Variants in GRK5 observed in about 807,000 individuals in gnomAD.
The protein encoded by GRK5 is g protein-coupled receptor kinase GRK5.
Under a neutral mutation model 78.4 loss-of-function variants are expected in GRK5, and 40 were observed. The observed-to-expected ratio is 0.51, with a 90% CI of 0.40 to 0.66. The LOEUF (loss-of-function observed/expected upper bound fraction) is 0.66, where lower values mean the gene tolerates loss of function less well. Among genes scored for constraint, GRK5 ranks in the 30% least tolerant of loss-of-function variants. GRK5 has a pLI of 0.00. For synonymous variants in GRK5, 289 were observed against 296.8 expected, an observed-to-expected ratio of 0.97 and a Z score of 0.27; for missense variants, 598 against 759.9, an observed-to-expected ratio of 0.79 and a Z score of 2.50.
At chr10:119,282,141 C>T (rs1284071438) in intron 1 of GRK5, among the ~76,000 whole-genome samples, 3 of 152,146 alleles carry the variant, frequency 2.0e-5, no homozygotes, top group Admixed American at 2.0e-4. Flanking sequence ...GAGTTCGGAC[C>T]CAAGCTGCAC....
chr10:119,442,220 C>T (rs185690282), intron 11 of GRK5, 132 bp downstream of exon 11: 1 of 758,250 alleles, frequency 1.3e-6, no homozygotes, highest in Non-Finnish European at 2.2e-6. Context: ...GAGTCACAGT[C>T]TCTGCAGGGC....
At position 119,412,336 on chromosome 10, in the gene GRK5, G is replaced by A. The variant is rs1005237665; in HGVS notation, c.340-10830G>A. Among the ~76,000 whole-genome samples the A allele has an allele frequency of 4.6e-5, 7 of 152,186 alleles. No individual in the cohort carries two copies. The highest frequency in any genetic ancestry group is 9.7e-5 in the African/African-American group (4 of 41,448). ...CTGTGCCTGGCACGGTGCCCGGGCCGTGCAGTCCATCGCCTGGGCTGACCA... is the reference window on the plus strand; with the variant it reads ...CTGTGCCTGGCACGGTGCCCGGGCCATGCAGTCCATCGCCTGGGCTGACCA... On this transcript the variant is annotated intron_variant, in intron 4 of 15. Coordinates refer to ENST00000392870, the MANE Select transcript of GRK5 (RefSeq NM_005308.3). This position sits in a 1 kb window ranked among gnomAD's most constrained non-coding sequence, Gnocchi z 4.3.
At position 119,326,267 on chromosome 10, in the gene GRK5, AG is replaced by A. The variant is rs534014767; in HGVS notation, c.53-245del. Among the ~76,000 whole-genome samples the A allele has an allele frequency of 7.9e-5, 12 of 152,280 alleles. No individual in the cohort carries two copies. The East Asian group carries it at 2.3e-3, about 29-fold the overall frequency. Reference sequence around the variant, plus strand: ...GGGATGCCTGGTGTGGGTGGGGTGCAGGGGAGCCCTAGGCCTCACTGCTAGG... The same window carrying A: ...GGGATGCCTGGTGTGGGTGGGGTGCAGGGAGCCCTAGGCCTCACTGCTAGG... On this transcript the variant is annotated intron_variant, in intron 1 of 15. Transcript: ENST00000392870.
In GRK5 at chr10:119,207,649, G is replaced by A; in HGVS notation, c.-269G>A. On this transcript the variant is annotated 5_prime_UTR_variant, in exon 1 of 16. Transcript: ENST00000392870. ...AGTGACAGAGACACGCGGAGGGTGG[G>A]GGGTGGGGGGGAGCGTGTTGAGGGA... The A allele has an allele frequency of 2.6e-6, 1 of 383,798 alleles. No individual in the cohort carries two copies. Among genetic ancestry groups the A allele is most frequent in the South Asian group, 2.4e-5 (1 of 40,924 alleles). The allele number at this position is 383,798 out of a possible 1,614,324, so 23.8% of individuals were successfully genotyped here. A position where few individuals can be genotyped will look rare whatever the true frequency, so the allele number is the denominator to read the frequency against.
At chr10:119,263,793 G>A (rs1849450457) in intron 1 of GRK5, among the ~76,000 whole-genome samples, 1 of 152,094 alleles carries the variant, frequency 6.6e-6, no homozygotes, top group East Asian at 1.9e-4. Context: ...GGGCGTGGTG[G>A]CGGGCGCCTG....
chr10:119,296,682 C>A (rs1408658677), intron 1 of GRK5, among the ~76,000 whole-genome samples: 1 of 152,204 alleles, frequency 6.6e-6, no homozygotes, highest in Non-Finnish European at 1.5e-5. Flanking sequence ...GAGCGTCTCT[C>A]ATGGCTTTGG....
intron 3 of GRK5, among the ~76,000 whole-genome samples, chr10:119,393,363 G>C (rs2133845215): frequency 6.6e-6 from 1 of 152,386 alleles, no homozygotes; most frequent in African/African-American, 2.4e-5. Flanking sequence ...GACCTGAAAG[G>C]GATGTTATTT....
At chr10:119,340,871 G>A (rs1239910853) in intron 2 of GRK5, among the ~76,000 whole-genome samples, 2 of 152,216 alleles carry the variant, frequency 1.3e-5, no homozygotes, top group Non-Finnish European at 2.9e-5. Flanking sequence ...CAAATTGCTG[G>A]CCAGTTTTGA....
intron 4 of GRK5, chr10:119,406,480 A>G: frequency 1.0e-6 from 1 of 984,736 alleles, no homozygotes. Context: ...CTCCCTTCCA[A>G]GTACCTGTCC....
intron 1 of GRK5, among the ~76,000 whole-genome samples, chr10:119,236,520 C>A (rs565648011): frequency 6.6e-6 from 1 of 152,128 alleles, no homozygotes; most frequent in South Asian, 2.1e-4. Context: ...GGCCCCTACA[C>A]ACTATTTTAA....
intron 4 of GRK5, among the ~76,000 whole-genome samples, chr10:119,403,596 A>G (rs1359525324): frequency 2.6e-5 from 4 of 152,308 alleles, no homozygotes; most frequent in African/African-American, 7.2e-5. Flanking sequence ...TTATCTGCTC[A>G]TCATTTGATG....
rs1853130641 is a variant in GRK5 at position 119,445,612 on chromosome 10, G to T, written c.1266+1860G>T. The stretch of plus-strand genomic sequence containing the variant: ...CTGTCCTCTGGAAGCCTCTGGCCTT[G>T]CTGCGGCTTCCCTTACAAATGATCT... On this transcript the variant is annotated intron_variant, in intron 12 of 15. Transcript: ENST00000392870. This position sits in a 1 kb window ranked among gnomAD's most constrained non-coding sequence, Gnocchi z 4.1. Among the ~76,000 whole-genome samples the T allele has an allele frequency of 6.6e-6, 1 of 152,208 alleles. No individual in the cohort carries two copies. Among genetic ancestry groups the T allele is most frequent in the Admixed American group, 6.5e-5 (1 of 15,280 alleles).
intron 1 of GRK5, among the ~76,000 whole-genome samples, chr10:119,324,399 G>C (rs1850639268): frequency 6.6e-6 from 1 of 152,228 alleles, no homozygotes. Context: ...GGCCAAGGCA[G>C]GCGGATCACT....
intron 4 of GRK5, among the ~76,000 whole-genome samples, chr10:119,405,449 G>A (rs138256410): frequency 1.2e-3 from 187 of 151,338 alleles, no homozygotes; most frequent in African/African-American, 4.2e-3. Context: ...CCACACAAAC[G>A]AAATCTATTC....
intron 12 of GRK5, among the ~76,000 whole-genome samples, chr10:119,444,665 C>T (rs377226795): frequency 6.6e-6 from 1 of 152,154 alleles, no homozygotes; most frequent in African/African-American, 2.4e-5. Flanking sequence ...CACCCAGCTC[C>T]ACAATTGCCA....
chr10:119,366,536 T>C (rs926624177), intron 2 of GRK5, among the ~76,000 whole-genome samples: 1 of 152,114 alleles, frequency 6.6e-6, no homozygotes, highest in African/African-American at 2.4e-5. Flanking sequence ...GCTTTTCTTT[T>C]TGGGAAGAGC....
intron 1 of GRK5, among the ~76,000 whole-genome samples, chr10:119,269,988 C>G (rs921756366): frequency 2.6e-5 from 4 of 152,282 alleles, no homozygotes; most frequent in Admixed American, 6.5e-5. Context: ...GTCTGCTCCT[C>G]CAGCCTCCTT....
rs1049265386 is a variant in GRK5 at position 119,410,055 on chromosome 10, G to A, written c.340-13111G>A. Among the ~76,000 whole-genome samples, 6 of 152,382 alleles carry A rather than the reference G, an allele frequency of 3.9e-5. No individual in the cohort carries two copies. The East Asian group carries it at 7.7e-4, about 20-fold the overall frequency. On this transcript the variant is annotated intron_variant, in intron 4 of 15. Coordinates refer to ENST00000392870, the MANE Select transcript of GRK5 (RefSeq NM_005308.3). ...CCGGGTCCCGCGAGCCCCCGCGTGC[G>A]CGGCCTGTGTAAACAGTGCGTCATC...
intron 1 of GRK5, among the ~76,000 whole-genome samples, chr10:119,309,057 G>A (rs748592069): frequency 2.6e-4 from 40 of 152,236 alleles, no homozygotes; most frequent in Non-Finnish European, 5.1e-4. Flanking sequence ...AGCCTAGATG[G>A]AAACTGGGGC....
Sources: allele counts gnomAD v4.1 joint callset (sites outside exome capture counted in the v4.1 genomes callset), GRCh38; gene constraint gnomAD v4.1.1; non-coding constraint Gnocchi (gnomAD v3.1); transcripts MANE v1.5; gene names NCBI Gene and HGNC (gene_info 2026-07-23, HGNC 2026-07-21).